Variants in PLCL2 observed in about 807,000 individuals in gnomAD.
The protein encoded by PLCL2 is inactive phospholipase C-like protein 2.
PLCL2 carries 4 observed loss-of-function variants against 79.6 expected under a neutral mutation model. That is an observed-to-expected ratio of 0.05 (90% CI 0.02 to 0.11). PLCL2 has a LOEUF of 0.11. PLCL2 is among the 10% of genes least tolerant of loss of function. PLCL2 has a pLI of 1.00. For synonymous variants in PLCL2, 484 were observed against 457.7 expected (o/e 1.06, Z -0.73); for missense variants, 895 against 1,291.0 (o/e 0.69, Z 4.70).
At chr3:17,037,070 A>G (rs2064665624) in intron 3 of PLCL2, among the ~76,000 whole-genome samples, 1 of 152,210 alleles carries the variant, frequency 6.6e-6, no homozygotes. Context: ...CATTCAGAAA[A>G]TTCTGACTAG....
intron 1 of PLCL2, among the ~76,000 whole-genome samples, chr3:16,933,836 G>T (rs1366294462): frequency 2.0e-5 from 3 of 151,944 alleles, no homozygotes; most frequent in Non-Finnish European, 4.4e-5. Context: ...TGGAGGCTGA[G>T]GGGGGCAGAT....
intron 1 of PLCL2, among the ~76,000 whole-genome samples, chr3:16,944,475 TA>T (rs11355162): frequency 0.13 from 20,385 of 152,074 alleles, 1,636 homozygotes; most frequent in African/African-American, 0.22. Flanking sequence ...TAACTGTACT[TA>T]GAGATAGGGC....
chr3:16,885,332 C>T lies in PLCL2; in HGVS notation c.293C>T (p.Pro98Leu), dbSNP rs1314373861. Reference protein sequence around the residue: ...VVCTLPRESKPGGLPRRSSII... With the variant: ...VVCTLPRESKLGGLPRRSSII... The stretch of plus-strand genomic sequence containing the variant: ...TGTACCCTCCCCCGGGAGAGCAAGC[C>T]GGGCGGCCTGCCCCGCCGGAGCAGC... Residue 98 changes from proline (P) to leucine (L), a missense_variant, in exon 1 of 6, where the codon CCG (proline) becomes CTG (leucine). Coordinates refer to ENST00000615277, the MANE Select transcript of PLCL2 (RefSeq NM_001144382.2). 2 of 657,010 alleles carry T rather than the reference C, an allele frequency of 3.0e-6. No individual in the cohort carries two copies. Among genetic ancestry groups the T allele is most frequent in the Non-Finnish European group, 2.7e-6 (1 of 363,704 alleles). The allele number at this position is 657,010 out of a possible 1,614,324, so 40.7% of individuals were successfully genotyped here.
At chr3:17,042,978 A>C in intron 4 of PLCL2, 29 bp downstream of exon 4, 1 of 1,401,204 alleles carries the variant, frequency 7.1e-7, no homozygotes, top group Non-Finnish European at 1.0e-6. Context: ...CCTCTCTTTA[A>C]ATGAAATTAA....
intron 4 of PLCL2, among the ~76,000 whole-genome samples, chr3:17,059,966 G>A (rs984264331): frequency 1.2e-4 from 19 of 152,088 alleles, no homozygotes; most frequent in African/African-American, 3.4e-4. Context: ...GGAAAGTATC[G>A]ATGTGAAAGT....
chr3:17,010,818 C>T lies in PLCL2; in HGVS notation c.1472C>T (p.Thr491Ile). 6.2e-7 allele frequency: 1 copy of T among 1,614,124 alleles called. No individual in the cohort carries two copies. The highest frequency in any genetic ancestry group is 1.1e-5 in the South Asian group (1 of 91,076). Residue 491 changes from threonine to isoleucine, a missense_variant, in exon 2 of 6, where the codon ACC becomes ATC. Around this residue, in one of 6 missense-constraint regions of PLCL2, gnomAD observed 242 missense variants for 399.5 expected, o/e 0.61. Coordinates refer to ENST00000615277, the MANE Select transcript of PLCL2 (RefSeq NM_001144382.2). This position sits in a 1 kb window ranked among gnomAD's most constrained non-coding sequence, Gnocchi z 5.8. ...GTAATTTACACAGGCCACACCATGACCTCTCAGATAGTTTTCCGCAGTGTC... is the reference window on the plus strand; with the variant it reads ...GTAATTTACACAGGCCACACCATGATCTCTCAGATAGTTTTCCGCAGTGTC... Reference protein sequence around the residue: ...EPVIYTGHTMTSQIVFRSVID... With the variant: ...EPVIYTGHTMISQIVFRSVID...
chr3:16,943,636 A>G (rs1269519884), intron 1 of PLCL2, among the ~76,000 whole-genome samples: 1 of 152,180 alleles, frequency 6.6e-6, no homozygotes, highest in Non-Finnish European at 1.5e-5. Flanking sequence ...GCATGTATAC[A>G]TAACATATGT....
At chr3:16,931,059 C>T (rs1386397003) in intron 1 of PLCL2, among the ~76,000 whole-genome samples, 1 of 152,008 alleles carries the variant, frequency 6.6e-6, no homozygotes, top group Non-Finnish European at 1.5e-5. Context: ...TGGCCAGTTC[C>T]CATTCCTCAG....
chr3:16,951,372 C>T (rs1160410511), intron 1 of PLCL2, among the ~76,000 whole-genome samples: 1 of 151,986 alleles, frequency 6.6e-6, no homozygotes, highest in East Asian at 1.9e-4. Context: ...AACATACTAT[C>T]TGAATTTTGA....
chr3:17,019,502 T>C (rs2064424192), intron 3 of PLCL2, among the ~76,000 whole-genome samples: 1 of 152,042 alleles, frequency 6.6e-6, no homozygotes, highest in African/African-American at 2.4e-5. Flanking sequence ...ATCAGAAAAA[T>C]TAACTGTATA....
intron 3 of PLCL2, among the ~76,000 whole-genome samples, chr3:17,031,980 A>G (rs1458128903): frequency 2.2e-5 from 3 of 138,370 alleles, no homozygotes; most frequent in African/African-American, 8.3e-5. Context: ...ATTGTTCAGG[A>G]CCAGAAACTA....
intron 5 of PLCL2, 143 bp from the exon 6 acceptor site, chr3:17,089,590 A>C: frequency 1.7e-6 from 1 of 605,404 alleles, no homozygotes; most frequent in Non-Finnish European, 2.9e-6. Flanking sequence ...AAATTGACCT[A>C]TTCAGATGCA....
intron 2 of PLCL2, 81 bp downstream of exon 2, chr3:17,012,241 T>A: frequency 1.6e-6 from 2 of 1,222,152 alleles, no homozygotes; most frequent in East Asian, 2.6e-5. Flanking sequence ...ATTGGTTTTT[T>A]AATAATAGTA....
intron 1 of PLCL2, among the ~76,000 whole-genome samples, chr3:16,955,244 T>G (rs1246643183): frequency 6.6e-6 from 1 of 152,248 alleles, no homozygotes; most frequent in Non-Finnish European, 1.5e-5. Flanking sequence ...TTTCTACATA[T>G]GGCTAGCCAG....
intron 1 of PLCL2, among the ~76,000 whole-genome samples, chr3:16,995,525 A>G (rs1282811917): frequency 3.9e-5 from 6 of 152,178 alleles, no homozygotes; most frequent in Non-Finnish European, 8.8e-5. Flanking sequence ...GCTTCTTCCA[A>G]CATTGCAGTC....
chr3:17,017,058 T>A (rs1575588874), intron 3 of PLCL2, among the ~76,000 whole-genome samples: 1 of 152,154 alleles, frequency 6.6e-6, no homozygotes, highest in East Asian at 1.9e-4. Flanking sequence ...ATGTTAAAAA[T>A]CCTCATGGCC....
intron 1 of PLCL2, among the ~76,000 whole-genome samples, chr3:16,901,887 C>G (rs139420893): frequency 1.7e-3 from 265 of 152,320 alleles, no homozygotes; most frequent in African/African-American, 5.5e-3. Context: ...CACCCTGCCC[C>G]GCTTGTGAAG....
intron 1 of PLCL2, among the ~76,000 whole-genome samples, chr3:17,001,621 A>G (rs2125002627): frequency 6.6e-6 from 1 of 152,182 alleles, no homozygotes; most frequent in Admixed American, 6.5e-5. Flanking sequence ...TCCTTTCCTT[A>G]ATGTATGTTC....
At chr3:16,907,955 A>G (rs1490473404) in intron 1 of PLCL2, among the ~76,000 whole-genome samples, 3 of 152,114 alleles carry the variant, frequency 2.0e-5, no homozygotes, top group East Asian at 3.8e-4. Flanking sequence ...TATTCCAATG[A>G]TATGTATTCA....
Sources: gnomAD v4.1 joint callset for allele counts (sites outside exome capture counted in the v4.1 genomes callset) on GRCh38, gnomAD v4.1.1 for gene constraint, gnomAD v4.1.1 regional missense constraint, Gnocchi (gnomAD v3.1) non-coding constraint, MANE v1.5 for transcripts, NCBI Gene and HGNC (gene_info 2026-07-23, HGNC 2026-07-21) for gene names.